Variants in PCDHGB2 observed in about 807,000 individuals in gnomAD.
PCDHGB2 encodes protocadherin gamma-B2.
PCDHGB2 carries 55 observed loss-of-function variants against 59.3 expected under a neutral mutation model. The observed-to-expected ratio is 0.93, with a 90% CI of 0.75 to 1.16. The LOEUF is 1.16. PCDHGB2 is among the 50% of genes most tolerant of loss of function. The probability of loss-of-function intolerance (pLI) is 0.00; values close to 1 mark genes in which losing one functional copy is unlikely to be tolerated. For missense variants in PCDHGB2, 1,228 were observed against 1,198.5 expected, an observed-to-expected ratio of 1.02 and a Z score of -0.36; for synonymous variants, 516 against 512.0, an observed-to-expected ratio of 1.01 and a Z score of -0.11.
chr5:141,366,646 G>A (rs1219321287), intron 1 of PCDHGB2: 1 of 1,614,248 alleles, frequency 6.2e-7, no homozygotes, highest in Non-Finnish European at 8.5e-7. Flanking sequence ...TCTTTCCCCA[G>A]CCCAACTACG....
intron 1 of PCDHGB2, chr5:141,370,863 G>A (rs755596039): frequency 6.2e-7 from 1 of 1,614,050 alleles, no homozygotes; most frequent in Non-Finnish European, 8.5e-7. Context: ...CCTGGAATCT[G>A]CGCAAGATCC....
intron 1 of PCDHGB2, chr5:141,415,739 GGTTTTTTTTT>G: frequency 6.9e-6 from 3 of 434,948 alleles, no homozygotes; most frequent in Middle Eastern, 6.4e-4. Context: ...TGTTTATTAA[GGTTTTTTTTT>G]TTTTTTTTTT....
rs763840734 is a variant in PCDHGB2, at chr5:141,428,113, T to C, written c.2421+65557T>C. The stretch of plus-strand genomic sequence containing the variant: ...CTGTCCTACCACGTGCTGCAGGCCA[T>C]CGAGCCCGGGCTTTTCAGCCTGGGG... On this transcript the variant is annotated intron_variant, in intron 1 of 3. Transcript: ENST00000522605. 1.0e-5 allele frequency: 16 copies of C among 1,607,374 alleles called. No homozygotes were observed. In the African/African-American group the frequency reaches 1.9e-4, roughly 19 times the overall value.
chr5:141,381,114 C>T (rs1776995401), intron 1 of PCDHGB2, among the ~76,000 whole-genome samples: 1 of 152,152 alleles, frequency 6.6e-6, no homozygotes, highest in Non-Finnish European at 1.5e-5. Context: ...CAAAGTGTTC[C>T]CTGTATTCTG....
In PCDHGB2 at chr5:141,360,072, C is replaced by A; in HGVS notation, c.-64C>A. ...AAAAGCAGGAAAAGTGACCTTAGCC[C>A]GGATTCTGCCATCCCCGGAAGGCTT... On this transcript the variant is annotated 5_prime_UTR_variant, in exon 1 of 4. Coordinates refer to ENST00000522605, the MANE Select transcript of PCDHGB2 (RefSeq NM_018923.3). 4.8e-6 allele frequency: 7 copies of A among 1,473,480 alleles called. No homozygotes were observed. In the South Asian group the frequency reaches 1.0e-4, roughly 21 times the overall value. 91.3% of individuals were successfully genotyped at this position (1,473,480 alleles called of 1,614,324 possible). A position where few individuals can be genotyped will look rare whatever the true frequency, so the allele number is the denominator to read the frequency against.
intron 1 of PCDHGB2, chr5:141,426,302 A>G (rs1590676929): frequency 1.2e-5 from 2 of 172,322 alleles, no homozygotes; most frequent in East Asian, 1.4e-4. Context: ...AACAGGGTGA[A>G]GCAGAGAAGC....
intron 1 of PCDHGB2, among the ~76,000 whole-genome samples, chr5:141,472,224 A>G (rs570743680): frequency 1.4e-4 from 21 of 152,330 alleles, no homozygotes; most frequent in African/African-American, 4.1e-4. Context: ...TCTCGATCAT[A>G]TAATACATTC....
intron 1 of PCDHGB2, among the ~76,000 whole-genome samples, chr5:141,481,008 A>G (rs2099529606): frequency 6.6e-6 from 1 of 152,224 alleles, no homozygotes; most frequent in Non-Finnish European, 1.5e-5. Context: ...CAGTGAGCCC[A>G]GATCACACCA....
intron 1 of PCDHGB2, chr5:141,379,485 T>TA (rs755973263): frequency 2.0e-5 from 3 of 152,260 alleles, no homozygotes; most frequent in Non-Finnish European, 4.4e-5. Flanking sequence ...TATTTTACTA[T>TA]ACTACCAATT....
At chr5:141,376,285 C>A in intron 1 of PCDHGB2, 2 of 1,614,230 alleles carry the variant, frequency 1.2e-6, no homozygotes, top group Non-Finnish European at 1.7e-6. Context: ...GCTTAGCGAG[C>A]ATGCCCGGCT....
At chr5:141,420,558 C>T (rs1373350109) in intron 1 of PCDHGB2, 1 of 248,240 alleles carries the variant, frequency 4.0e-6, no homozygotes, top group Non-Finnish European at 7.5e-6. Flanking sequence ...TATATTTTTA[C>T]GGCATGGTAT....
chr5:141,365,936 G>T, intron 1 of PCDHGB2: 1 of 1,614,202 alleles, frequency 6.2e-7, no homozygotes, highest in Non-Finnish European at 8.5e-7. Flanking sequence ...GACAGCCAGC[G>T]ACAGTGGGAA....
At chr5:141,404,912 C>T (rs761969782) in intron 1 of PCDHGB2, 31 of 1,613,946 alleles carry the variant, frequency 1.9e-5, no homozygotes, top group Non-Finnish European at 2.5e-5. Flanking sequence ...CCAGCCCCCT[C>T]TCTCGGCCAC....
chr5:141,419,644 CG>C (rs1418985518), intron 1 of PCDHGB2: 2 of 1,612,396 alleles, frequency 1.2e-6, no homozygotes, highest in Non-Finnish European at 1.7e-6. Flanking sequence ...TGGCCGTGGA[CG>C]CGGACTCGGG....
At chr5:141,394,937 C>A in intron 1 of PCDHGB2, 1 of 1,613,806 alleles carries the variant, frequency 6.2e-7, no homozygotes, top group Non-Finnish European at 8.5e-7. Context: ...TCGCCTTTGT[C>A]GCTGTGCTTC....
intron 1 of PCDHGB2, among the ~76,000 whole-genome samples, chr5:141,425,555 A>T (rs1282440598): frequency 6.6e-6 from 1 of 152,270 alleles, no homozygotes; most frequent in African/African-American, 2.4e-5. Flanking sequence ...AACCTCTTTT[A>T]TAAGTGATAA....
intron 1 of PCDHGB2, chr5:141,362,758 C>A: frequency 1.5e-6 from 1 of 649,730 alleles, no homozygotes. Flanking sequence ...AAACCTTTAT[C>A]ACATGAGATA....
rs1369150914 is a variant in PCDHGB2 at position 141,432,217 on chromosome 5, G to A, written c.2422-62590G>A. The A allele has an allele frequency of 3.1e-6, 5 of 1,614,204 alleles. No individual in the cohort carries two copies. The East Asian group carries it at 6.7e-5, about 22-fold the overall frequency. On this transcript the variant is annotated intron_variant, in intron 1 of 3. Coordinates refer to ENST00000522605, the MANE Select transcript of PCDHGB2 (RefSeq NM_018923.3). The surrounding 1 kb of genome is among the most constrained non-coding windows in gnomAD (Gnocchi z 6.0). ...ACCCCGACTGTGAAGAGAACGCCCAGATCACTTATTCCCTGGCTGAGAACA... is the reference window on the plus strand; with the variant it reads ...ACCCCGACTGTGAAGAGAACGCCCAAATCACTTATTCCCTGGCTGAGAACA...
Position 141,431,706 on chromosome 5 carries a change from AG to A in PCDHGB2, c.2422-63100del. The A allele has an allele frequency of 6.2e-7, 1 of 1,614,248 alleles. No homozygotes were observed. The highest frequency in any genetic ancestry group is 8.5e-7 in the Non-Finnish European group (1 of 1,180,048). ...GACCACGAGGAGTCAGGATTCTACC[AG>A]ATGGAAGTGCAAGCAATGGATAATG... On this transcript the variant is annotated intron_variant, in intron 1 of 3. Coordinates refer to ENST00000522605, the MANE Select transcript of PCDHGB2 (RefSeq NM_018923.3). This position sits in a 1 kb window ranked among gnomAD's most constrained non-coding sequence, Gnocchi z 4.8.
Sources: allele counts gnomAD v4.1 joint callset (sites outside exome capture counted in the v4.1 genomes callset), GRCh38; gene constraint gnomAD v4.1.1; non-coding constraint Gnocchi (gnomAD v3.1); transcripts MANE v1.5; gene names NCBI Gene and HGNC (gene_info 2026-07-23, HGNC 2026-07-21).